Variants in TXNDC9 observed in about 807,000 individuals in gnomAD.
TXNDC9 encodes thioredoxin domain containing 9.
A neutral mutation model predicts 23.0 loss-of-function variants in TXNDC9; 7 were observed. The observed-to-expected ratio is 0.30, with a 90% CI of 0.17 to 0.57. TXNDC9 has a LOEUF of 0.57. Among genes scored for constraint, TXNDC9 ranks in the 20% least tolerant of loss-of-function variants. The pLI is 0.90. For missense variants in TXNDC9, 198 were observed against 252.6 expected (o/e 0.78, Z 1.47); for synonymous variants, 72 against 90.6 (o/e 0.79, Z 1.17).
At chr2:99,326,071 A>G (rs747788969) in intron 3 of TXNDC9, among the ~76,000 whole-genome samples, 1 of 152,048 alleles carries the variant, frequency 6.6e-6, no homozygotes, top group Non-Finnish European at 1.5e-5. Context: ...ACATACTAGT[A>G]TATTTATATA....
downstream of TXNDC9, among the ~76,000 whole-genome samples, chr2:99,314,248 C>T (rs1040882517): frequency 3.9e-5 from 6 of 152,132 alleles, no homozygotes; most frequent in African/African-American, 7.2e-5. Context: ...TGAATCTACA[C>T]TGTCCTTCCT....
At chr2:99,324,629 A>G (rs939542366) in intron 3 of TXNDC9, among the ~76,000 whole-genome samples, 9 of 152,114 alleles carry the variant, frequency 5.9e-5, no homozygotes, top group Non-Finnish European at 1.0e-4. Flanking sequence ...GCTAGAGTGC[A>G]GTGGCACGAC....
intron 3 of TXNDC9, 131 bp downstream of exon 3, chr2:99,327,404 G>C (rs2094215144): frequency 2.9e-6 from 2 of 684,208 alleles, no homozygotes; most frequent in East Asian, 5.3e-5. Flanking sequence ...TAACATATGA[G>C]AGAGTACAAT....
chr2:99,324,637 G>A (rs188792965), intron 3 of TXNDC9, among the ~76,000 whole-genome samples: 84 of 152,092 alleles, frequency 5.5e-4, no homozygotes, highest in African/African-American at 1.9e-3. Context: ...GCAGTGGCAC[G>A]ACCTCTGCTC....
chr2:99,323,012 C>T lies in TXNDC9; in HGVS notation c.309-803G>A, dbSNP rs150847855. 2.1e-3 allele frequency among the ~76,000 whole-genome samples: 324 copies of T among 152,278 alleles called. 2 individuals are homozygous for T. Among genetic ancestry groups the T allele is most frequent in the East Asian group, 0.014 (72 of 5,130 alleles). ...TCCTGACCTTGTGATCCGCCTGCCT[C>T]GGCCTCCCGAAGTGCTAGGATTACA... On this transcript the variant is annotated intron_variant, in intron 3 of 4. Coordinates refer to ENST00000264255, the MANE Select transcript of TXNDC9 (RefSeq NM_005783.4).
downstream of TXNDC9, among the ~76,000 whole-genome samples, chr2:99,317,368 T>C (rs2105316706): frequency 1.3e-5 from 2 of 152,244 alleles, no homozygotes; most frequent in Admixed American, 1.3e-4. Flanking sequence ...CCCTCTGCCC[T>C]CCAGCGCATT....
chr2:99,321,773 T>G, intron 4 of TXNDC9, 182 bp downstream of exon 4: 1 of 654,772 alleles, frequency 1.5e-6, no homozygotes, highest in Non-Finnish European at 2.5e-6. Flanking sequence ...AAATCTGATT[T>G]TGCCGTAAAA....
chr2:99,333,821 T>C (rs1473200141), intron 1 of TXNDC9, among the ~76,000 whole-genome samples: 1 of 152,216 alleles, frequency 6.6e-6, no homozygotes, highest in East Asian at 1.9e-4. Context: ...TGAGCATTAA[T>C]GTCCATTCCT....
At chr2:99,334,934 A>G (rs889974779) in intron 1 of TXNDC9, among the ~76,000 whole-genome samples, 3 of 152,148 alleles carry the variant, frequency 2.0e-5, no homozygotes, top group Non-Finnish European at 4.4e-5. Context: ...CAGGATGGCT[A>G]CGATCTCCTG....
Position 99,333,009 on chromosome 2 carries a change from G to C in TXNDC9, c.189+13C>G. ...TGTTATAGCAATTTCAGAAAGCAGGGCAGAGAGGTTACTTGTTTCTGCTGT... is the reference window on the plus strand; with the variant it reads ...TGTTATAGCAATTTCAGAAAGCAGGCCAGAGAGGTTACTTGTTTCTGCTGT... On this transcript the variant is annotated intron_variant, in intron 2 of 4. Coordinates refer to ENST00000264255, the MANE Select transcript of TXNDC9 (RefSeq NM_005783.4). 1 of 1,605,366 alleles carries C rather than the reference G, an allele frequency of 6.2e-7. No individual in the cohort carries two copies. The highest frequency in any genetic ancestry group is 8.5e-7 in the Non-Finnish European group (1 of 1,172,406).
chr2:99,318,556 C>T (rs1225694824), downstream of TXNDC9, among the ~76,000 whole-genome samples: 2 of 152,152 alleles, frequency 1.3e-5, no homozygotes, highest in Admixed American at 1.3e-4. Flanking sequence ...GGACAGTGGC[C>T]TGCTTTTCTA....
chr2:99,311,320 C>G, the TXNDC9 span, among the ~76,000 whole-genome samples: 4 of 151,960 alleles, frequency 2.6e-5, 1 homozygote, highest in South Asian at 6.2e-4. Flanking sequence ...CAGGGTCTCT[C>G]TCTGTCTTCC....
chr2:99,307,286 C>A, the TXNDC9 span, among the ~76,000 whole-genome samples: 1 of 151,944 alleles, frequency 6.6e-6, no homozygotes, highest in Non-Finnish European at 1.5e-5. Flanking sequence ...TTGCAAAATG[C>A]CAGGACATTC....
chr2:99,333,161 T>A lies in TXNDC9; in HGVS notation c.50A>T (p.Gln17Leu), dbSNP rs1201171335. 6.2e-7 allele frequency: 1 copy of A among 1,614,182 alleles called. No individual in the cohort carries two copies. ...VDMFSKVLEH[Q>L]LLQTTKLVEE... ...CACCAGTTTGGTAGTCTGAAGCAGC[T>A]GATGCTCCAGGACTTTGGAAAACAT... Residue 17 changes from glutamine (Q) to leucine (L), a missense_variant, in exon 2 of 5, where the codon CAG becomes CTG. Gln to Leu is a moderately radical substitution (Grantham distance 113). Coordinates refer to ENST00000264255, the MANE Select transcript of TXNDC9 (RefSeq NM_005783.4).
chr2:99,331,661 G>A (rs2094225890), intron 2 of TXNDC9, among the ~76,000 whole-genome samples: 1 of 152,136 alleles, frequency 6.6e-6, no homozygotes, highest in South Asian at 2.1e-4. Context: ...ATTTCCTTTT[G>A]TAGTAACTCT....
the TXNDC9 span, among the ~76,000 whole-genome samples, chr2:99,310,354 C>G: frequency 6.6e-6 from 1 of 152,134 alleles, no homozygotes; most frequent in Non-Finnish European, 1.5e-5. Flanking sequence ...CGGCAGCTCA[C>G]TGTAGCCTCC....
At position 99,336,225 on chromosome 2, in the gene TXNDC9, A is replaced by G; in HGVS notation, c.-33+14T>C. The G allele has an allele frequency of 1.0e-6, 1 of 982,396 alleles. No individual in the cohort carries two copies. The highest frequency in any genetic ancestry group is 1.2e-6 in the Non-Finnish European group (1 of 829,432). The allele number at this position is 982,396 out of a possible 1,614,324, so 60.9% of individuals were successfully genotyped here. A position where few individuals can be genotyped will look rare whatever the true frequency, so the allele number is the denominator to read the frequency against. ...ACGTGGTGGTCGGATTCTTCTCACTACCCTCTGCCTCACCTGAGCTCTCGG... is the reference window on the plus strand; with the variant it reads ...ACGTGGTGGTCGGATTCTTCTCACTGCCCTCTGCCTCACCTGAGCTCTCGG... On this transcript the variant is annotated intron_variant, in intron 1 of 4. Transcript: ENST00000264255.
chr2:99,306,948 G>A, the TXNDC9 span, among the ~76,000 whole-genome samples: 15 of 152,118 alleles, frequency 9.9e-5, no homozygotes, highest in South Asian at 2.1e-4. Context: ...TGGTCTAGGC[G>A]CTCTGCTTAC....
chr2:99,328,596 T>A (rs933759320), intron 2 of TXNDC9, among the ~76,000 whole-genome samples: 1 of 152,164 alleles, frequency 6.6e-6, no homozygotes, highest in African/African-American at 2.4e-5. Context: ...ACTCAGAATG[T>A]AAATATCCAC....
Sources: allele counts gnomAD v4.1 joint callset (sites outside exome capture counted in the v4.1 genomes callset), GRCh38; gene constraint gnomAD v4.1.1; transcripts MANE v1.5; gene names NCBI Gene and HGNC (gene_info 2026-07-23, HGNC 2026-07-21).